The following ALK variants were observed in gnomAD, a reference collection of about 807,000 sequenced individuals.
ALK encodes ALK receptor tyrosine kinase.
Under a neutral mutation model 163.1 loss-of-function variants are expected in ALK, and 74 were observed. The ratio of observed to expected loss-of-function variants is 0.45; its 90% CI spans 0.38 to 0.55. The LOEUF is 0.55. ALK is among the 20% of genes least tolerant of loss of function. The pLI is 0.00. For synonymous variants in ALK, 960 were observed against 843.2 expected, an observed-to-expected ratio of 1.14 and a Z score of -2.40; for missense variants, 2,063 against 2,105.3, an observed-to-expected ratio of 0.98 and a Z score of 0.39.
chr2:29,281,609 A>G (rs997123191), intron 9 of ALK, among the ~76,000 whole-genome samples: 1 of 152,160 alleles, frequency 6.6e-6, no homozygotes, highest in Admixed American at 6.5e-5. Context: ...CTTGTTATTA[A>G]AACAGACTTG....
chr2:29,536,548 T>C (rs1408937784), intron 3 of ALK, among the ~76,000 whole-genome samples: 1 of 152,160 alleles, frequency 6.6e-6, no homozygotes, highest in Non-Finnish European at 1.5e-5. Context: ...TAGGTATTCC[T>C]TTACAGTGAC....
At chr2:29,545,113 T>A (rs947479131) in intron 3 of ALK, among the ~76,000 whole-genome samples, 2 of 152,200 alleles carry the variant, frequency 1.3e-5, no homozygotes, top group African/African-American at 4.8e-5. Flanking sequence ...CTCACCACTC[T>A]GTGGATCAGG....
rs866708259 is a variant in ALK, at chr2:29,375,394, C to T, written c.1282+8338G>A. Among the ~76,000 whole-genome samples, 13 of 152,340 alleles carry T rather than the reference C, an allele frequency of 8.5e-5. No homozygotes were observed. The South Asian group carries it at 2.5e-3, about 29-fold the overall frequency. On this transcript the variant is annotated intron_variant, in intron 5 of 28. Transcript: ENST00000389048. ...AGTGCAGTGGCACCACCTCGGCTCA[C>T]TGCAAGCTCTGCCTCCCAGGTTCAT...
In ALK at chr2:29,193,914, A is replaced by G. The variant is rs1188106511; in HGVS notation, c.4173T>C (p.Asp1391=). 1 of 1,614,178 alleles carries G rather than the reference A, an allele frequency of 6.2e-7. No individual in the cohort carries two copies. The highest frequency in any genetic ancestry group is 1.1e-5 in the South Asian group (1 of 91,078). Residue 1391 remains aspartate, a synonymous_variant, in exon 29 of 29, where the codon GAT becomes GAC. Transcript: ENST00000389048. Reference sequence around the variant, plus strand: ...CTATCGGCAAAGCGGTGTTGATTACATCCGGGTCCTGCCGTAGGGGAAATT... The same window carrying G: ...CTATCGGCAAAGCGGTGTTGATTACGTCCGGGTCCTGCCGTAGGGGAAATT... ...ERIEYCTQDP[D]VINTALPIEY...
intron 4 of ALK, among the ~76,000 whole-genome samples, chr2:29,408,780 G>A (rs1398262560): frequency 6.6e-6 from 1 of 152,188 alleles, no homozygotes; most frequent in African/African-American, 2.4e-5. Context: ...AGGCTGAGAA[G>A]GGAGGCATTC....
intron 4 of ALK, among the ~76,000 whole-genome samples, chr2:29,479,694 G>T (rs767742419): frequency 4.5e-4 from 69 of 152,182 alleles, no homozygotes; most frequent in Non-Finnish European, 7.3e-4. Context: ...AGACCACAGG[G>T]TCACACAGGG....
intron 3 of ALK, among the ~76,000 whole-genome samples, chr2:29,683,034 T>A (rs1678123358): frequency 6.6e-6 from 1 of 151,730 alleles, no homozygotes; most frequent in Admixed American, 6.6e-5. Flanking sequence ...AGGAAAGGAG[T>A]AATACTCAAC....
chr2:29,665,186 C>T (rs1677478410), intron 3 of ALK, among the ~76,000 whole-genome samples: 2 of 151,350 alleles, frequency 1.3e-5, no homozygotes, highest in African/African-American at 2.4e-5. Flanking sequence ...AGGGTTTTTC[C>T]GTGTTGACCA....
intron 1 of ALK, among the ~76,000 whole-genome samples, chr2:29,787,940 A>G (rs1421749530): frequency 6.6e-6 from 1 of 152,238 alleles, no homozygotes; most frequent in Non-Finnish European, 1.5e-5. Flanking sequence ...GTGTTAGTAT[A>G]TGGAAATATT....
chr2:29,402,717 G>C (rs1457913224), intron 4 of ALK, among the ~76,000 whole-genome samples: 1 of 152,156 alleles, frequency 6.6e-6, no homozygotes, highest in Non-Finnish European at 1.5e-5. Flanking sequence ...CTAGGACAAT[G>C]GTGGTACCTT....
chr2:29,253,289 C>T (rs900897080), intron 11 of ALK, among the ~76,000 whole-genome samples: 2 of 152,144 alleles, frequency 1.3e-5, no homozygotes, highest in Non-Finnish European at 2.9e-5. Context: ...GGCTGTGCTA[C>T]GTCACCACAC....
intron 5 of ALK, among the ~76,000 whole-genome samples, chr2:29,377,862 G>A (rs747277628): frequency 2.0e-5 from 3 of 152,174 alleles, no homozygotes; most frequent in Non-Finnish European, 4.4e-5. Context: ...AACTTCTCAC[G>A]GGTAAGGTGA....
intron 4 of ALK, among the ~76,000 whole-genome samples, chr2:29,445,872 G>A: frequency 6.6e-6 from 1 of 151,330 alleles, no homozygotes; most frequent in Non-Finnish European, 1.5e-5. Context: ...GGCCGAGGCG[G>A]GCGGATCACG....
At chr2:29,475,544 C>T (rs1242145305) in intron 4 of ALK, among the ~76,000 whole-genome samples, 1 of 152,160 alleles carries the variant, frequency 6.6e-6, no homozygotes, top group Non-Finnish European at 1.5e-5. Flanking sequence ...CCGGACGAGG[C>T]TGCATCTCCA....
At chr2:29,647,958 A>G (rs1676932473) in intron 3 of ALK, among the ~76,000 whole-genome samples, 1 of 152,106 alleles carries the variant, frequency 6.6e-6, no homozygotes, top group Admixed American at 6.6e-5. Flanking sequence ...TATTAAAATT[A>G]AATATGTAGG....
intron 26 of ALK, among the ~76,000 whole-genome samples, chr2:29,198,190 A>G (rs1182545444): frequency 1.3e-5 from 2 of 152,062 alleles, no homozygotes; most frequent in South Asian, 4.1e-4. Context: ...CTAGATTAGG[A>G]TGTCCAGCCA....
At chr2:29,395,898 T>C (rs934880623) in intron 4 of ALK, among the ~76,000 whole-genome samples, 1 of 152,242 alleles carries the variant, frequency 6.6e-6, no homozygotes, top group Non-Finnish European at 1.5e-5. Flanking sequence ...TGTTCTTCAT[T>C]GAACCTAAGC....
intron 1 of ALK, among the ~76,000 whole-genome samples, chr2:29,898,475 A>T (rs1266950879): frequency 2.0e-5 from 3 of 152,242 alleles, no homozygotes; most frequent in Admixed American, 2.0e-4. Flanking sequence ...GATAAAAAAC[A>T]ATCATGGCTG....
intron 5 of ALK, among the ~76,000 whole-genome samples, chr2:29,374,036 T>C (rs1668695079): frequency 6.6e-6 from 1 of 152,220 alleles, no homozygotes. Context: ...ATTTTCCCTT[T>C]GCATAATGGC....
Sources: allele counts gnomAD v4.1 joint callset (sites outside exome capture counted in the v4.1 genomes callset), GRCh38; gene constraint gnomAD v4.1.1; transcripts MANE v1.5; gene names NCBI Gene and HGNC (gene_info 2026-07-23, HGNC 2026-07-21).